NAALADL2: variants seen among roughly 807,000 people sequenced by gnomAD.
NAALADL2 encodes the protein inactive N-acetylated-alpha-linked acidic dipeptidase-like protein 2.
NAALADL2 carries 76 observed loss-of-function variants against 87.2 expected under a neutral mutation model. The ratio of observed to expected loss-of-function variants is 0.87; its 90% CI spans 0.72 to 1.05. The LOEUF is 1.05. NAALADL2 is among the 50% of genes least tolerant of loss of function. The pLI is 0.00. For missense variants in NAALADL2, 1,089 were observed against 945.8 expected, an observed-to-expected ratio of 1.15 and a Z score of -1.99; for synonymous variants, 354 against 331.0, an observed-to-expected ratio of 1.07 and a Z score of -0.75.
At chr3:174,724,644 T>C (rs1030911925) in intron 2 of NAALADL2, among the ~76,000 whole-genome samples, 1 of 152,168 alleles carries the variant, frequency 6.6e-6, no homozygotes, top group Non-Finnish European at 1.5e-5. Context: ...TAGATTTATT[T>C]ATTGCATATA....
At chr3:175,480,317 G>T (rs1726269789) in intron 9 of NAALADL2, among the ~76,000 whole-genome samples, 1 of 151,668 alleles carries the variant, frequency 6.6e-6, no homozygotes, top group Non-Finnish European at 1.5e-5. Flanking sequence ...TTCTGAGACT[G>T]TATAACCACA....
intron 3 of NAALADL2, among the ~76,000 whole-genome samples, chr3:174,800,416 G>A (rs1194378309): frequency 6.6e-6 from 1 of 152,202 alleles, no homozygotes; most frequent in Non-Finnish European, 1.5e-5. Context: ...ATGTGGTGTT[G>A]AGCCTGCAGG....
chr3:174,583,249 C>T (rs975370674), intron 2 of NAALADL2, among the ~76,000 whole-genome samples: 2 of 152,186 alleles, frequency 1.3e-5, no homozygotes, highest in African/African-American at 4.8e-5. Flanking sequence ...CCTGTCTGCA[C>T]TTTTAAACAT....
chr3:175,671,599 G>C (rs73881345), intron 11 of NAALADL2, among the ~76,000 whole-genome samples: 1 of 151,890 alleles, frequency 6.6e-6, no homozygotes, highest in African/African-American at 2.4e-5. Flanking sequence ...GATGATTTGT[G>C]TCTCAATTTT....
At chr3:175,463,303 A>G in intron 6 of NAALADL2, 98 bp from the exon 7 acceptor site, 1 of 702,190 alleles carries the variant, frequency 1.4e-6, no homozygotes, top group Non-Finnish European at 2.3e-6. Flanking sequence ...ATTCTGTGGA[A>G]TTCTTTTGCT....
chr3:174,994,338 T>C (rs1747143553), intron 1 of NAALADL2, among the ~76,000 whole-genome samples: 1 of 152,212 alleles, frequency 6.6e-6, no homozygotes, highest in Non-Finnish European at 1.5e-5. Context: ...AAAAATGTCC[T>C]GGGCATAAAA....
intron 1 of NAALADL2, among the ~76,000 whole-genome samples, chr3:174,987,676 G>A (rs1189446381): frequency 1.4e-5 from 2 of 146,792 alleles, no homozygotes; most frequent in African/African-American, 5.0e-5. Flanking sequence ...CACCAGTCTG[G>A]AGTGTAGTGA....
chr3:175,510,301 A>G (rs1730982344), intron 9 of NAALADL2, among the ~76,000 whole-genome samples: 2 of 152,074 alleles, frequency 1.3e-5, no homozygotes, highest in Non-Finnish European at 2.9e-5. Flanking sequence ...CTCCTACGAT[A>G]TACAGGGATT....
At chr3:175,019,091 C>G (rs530887565) in intron 1 of NAALADL2, among the ~76,000 whole-genome samples, 2 of 152,024 alleles carry the variant, frequency 1.3e-5, no homozygotes, top group Admixed American at 1.3e-4. Context: ...TATTATACCA[C>G]TCCTGCTGAG....
At chr3:175,198,245 C>A (rs960042945) in intron 2 of NAALADL2, among the ~76,000 whole-genome samples, 32 of 151,884 alleles carry the variant, frequency 2.1e-4, no homozygotes, top group African/African-American at 6.3e-4. Flanking sequence ...ATATTAAATT[C>A]GAAGAATCTA....
At chr3:174,520,168 C>T (rs1720187125) in intron 1 of NAALADL2, among the ~76,000 whole-genome samples, 1 of 152,140 alleles carries the variant, frequency 6.6e-6, no homozygotes, top group Non-Finnish European at 1.5e-5. Context: ...CAATGCAATT[C>T]CTGGCAAATT....
chr3:175,091,731 T>C (rs1033714923), intron 1 of NAALADL2, among the ~76,000 whole-genome samples: 7 of 152,042 alleles, frequency 4.6e-5, no homozygotes, highest in Admixed American at 4.6e-4. Context: ...ATGGAAAAGC[T>C]CTGTTGTTCT....
chr3:175,158,979 A>G (rs543327056), intron 2 of NAALADL2, among the ~76,000 whole-genome samples: 6 of 152,148 alleles, frequency 3.9e-5, no homozygotes, highest in Admixed American at 2.6e-4. Flanking sequence ...CAGAATGAAC[A>G]TGTGATAAAG....
intron 1 of NAALADL2, among the ~76,000 whole-genome samples, chr3:175,037,647 C>G (rs901342999): frequency 3.7e-4 from 57 of 152,140 alleles, no homozygotes; most frequent in African/African-American, 1.2e-3. Flanking sequence ...CTCTGGGTAC[C>G]TGGACCTGGA....
intron 5 of NAALADL2, among the ~76,000 whole-genome samples, chr3:175,359,846 C>G (rs73184789): frequency 1.3e-5 from 2 of 151,910 alleles, no homozygotes; most frequent in African/African-American, 4.8e-5. Flanking sequence ...AAACCTAGGA[C>G]CAGAAATGAA....
intron 5 of NAALADL2, among the ~76,000 whole-genome samples, chr3:175,421,039 G>C (rs1458178574): frequency 5.3e-5 from 8 of 151,902 alleles, no homozygotes; most frequent in Non-Finnish European, 1.0e-4. Context: ...AATATATCGT[G>C]CTTTTTTTCT....
chr3:175,708,716 C>A (rs114034246), intron 11 of NAALADL2, among the ~76,000 whole-genome samples: 171 of 151,796 alleles, frequency 1.1e-3, no homozygotes, highest in African/African-American at 3.8e-3. Context: ...TTCCCTCCCC[C>A]CAAAGCCATT....
intron 1 of NAALADL2, among the ~76,000 whole-genome samples, chr3:174,549,962 C>G (rs1011801247): frequency 1.3e-5 from 2 of 151,884 alleles, no homozygotes; most frequent in Non-Finnish European, 2.9e-5. Flanking sequence ...TGAAAATACC[C>G]AAAACATTTG....
At chr3:175,059,043 A>G (rs967600618) in intron 1 of NAALADL2, among the ~76,000 whole-genome samples, 1 of 152,182 alleles carries the variant, frequency 6.6e-6, no homozygotes, top group Admixed American at 6.5e-5. Flanking sequence ...CTGGTGGTGT[A>G]TTGAAAATGC....
Sources: gnomAD v4.1 joint callset for allele counts (sites outside exome capture counted in the v4.1 genomes callset) on GRCh38, gnomAD v4.1.1 for gene constraint, MANE v1.5 for transcripts, NCBI Gene and HGNC (gene_info 2026-07-23, HGNC 2026-07-21) for gene names.